The following TTC28 variants were observed in gnomAD, a reference collection of about 807,000 sequenced individuals.
The protein encoded by TTC28 is tetratricopeptide repeat domain 28, also known as tetratricopeptide repeat protein 28.
In TTC28, 61 loss-of-function variants were observed where a neutral mutation model predicts 198.0. The observed-to-expected ratio is 0.31, with a 90% CI of 0.25 to 0.38. The LOEUF is 0.38. Ranked by LOEUF, TTC28 falls within the 10% of genes least tolerant of loss-of-function variation. The pLI, the probability that TTC28 is intolerant of heterozygous loss-of-function variation, is 1.00. For synonymous variants in TTC28, 1,171 were observed against 1,297.8 expected, an observed-to-expected ratio of 0.90 and a Z score of 2.10; for missense variants, 2,678 against 3,164.0, an observed-to-expected ratio of 0.85 and a Z score of 3.69.
At position 28,673,145 on chromosome 22, in the gene TTC28, C is replaced by T. The variant is rs952637509; in HGVS notation, c.102+6477G>A. Among the ~76,000 whole-genome samples the T allele has an allele frequency of 4.6e-5, 7 of 152,068 alleles. No homozygotes were observed. The East Asian group carries it at 5.8e-4, about 13-fold the overall frequency. ...ATCCCAGCACTTTGGGAGGCTGAGG[C>T]GGGCGGATCACGAGGTCAGGAGATC... On this transcript the variant is annotated intron_variant, in intron 1 of 22. Coordinates refer to ENST00000397906, the MANE Select transcript of TTC28 (RefSeq NM_001145418.2).
At chr22:28,460,118 A>G (rs1189640831) in intron 2 of TTC28, among the ~76,000 whole-genome samples, 1 of 152,234 alleles carries the variant, frequency 6.6e-6, no homozygotes, top group Non-Finnish European at 1.5e-5. Context: ...TTGTCTATCT[A>G]GTTTTATCTA....
chr22:28,481,263 C>T (rs1161844408), intron 2 of TTC28, among the ~76,000 whole-genome samples: 2 of 152,148 alleles, frequency 1.3e-5, no homozygotes, highest in African/African-American at 4.8e-5. Flanking sequence ...TTAATTTACA[C>T]AGAAAAGCAG....
At chr22:28,433,186 T>C (rs1385203586) in intron 2 of TTC28, among the ~76,000 whole-genome samples, 2 of 152,260 alleles carry the variant, frequency 1.3e-5, no homozygotes, top group Non-Finnish European at 2.9e-5. Flanking sequence ...AAATAAGTTA[T>C]AGAAAATGTA....
At position 28,289,766 on chromosome 22, in the gene TTC28, C is replaced by G. The variant is rs536152719; in HGVS notation, c.933+6432G>C. ...TTTGTGCAAGCACAGTGGCTCATGC[C>G]TGTAATCCCAACACTTTGGGAGGCC... On this transcript the variant is annotated intron_variant, in intron 5 of 22. Coordinates refer to ENST00000397906, the MANE Select transcript of TTC28 (RefSeq NM_001145418.2). Among the ~76,000 whole-genome samples, 4 of 152,304 alleles carry G rather than the reference C, an allele frequency of 2.6e-5. No homozygotes were observed. The South Asian group carries it at 8.3e-4, about 32-fold the overall frequency.
intron 2 of TTC28, among the ~76,000 whole-genome samples, chr22:28,538,556 C>CTT (rs753754141): frequency 0.034 from 3,681 of 109,482 alleles, 96 homozygotes; most frequent in East Asian, 0.042. Context: ...GCACCTTTCT[C>CTT]TTTTTTTTTT....
intron 1 of TTC28, among the ~76,000 whole-genome samples, chr22:28,676,038 C>T (rs1601686939): frequency 6.6e-6 from 1 of 152,206 alleles, no homozygotes; most frequent in East Asian, 1.9e-4. Context: ...TGAAAATATA[C>T]ATCCACACTA....
chr22:28,163,357 T>C lies in TTC28; in HGVS notation c.1176A>G (p.Glu392=). Residue 392 remains glutamate, a synonymous_variant, in exon 6 of 23, where the codon GAA becomes GAG. Coordinates refer to ENST00000397906, the MANE Select transcript of TTC28 (RefSeq NM_001145418.2). ...CCAGGTTGCTATAAGCCCGGGCCTCTTCTCGCTTGTTCCCCAGGTCCTTGG... is the reference window on the plus strand; with the variant it reads ...CCAGGTTGCTATAAGCCCGGGCCTCCTCTCGCTTGTTCCCCAGGTCCTTGG... ...KIAKDLGNKR[E]EARAYSNLGS... The C allele has an allele frequency of 1.9e-6, 3 of 1,552,114 alleles. No homozygotes were observed. The highest frequency in any genetic ancestry group is 1.7e-6 in the Non-Finnish European group (2 of 1,147,070).
chr22:28,635,117 C>T (rs748246188), intron 1 of TTC28, among the ~76,000 whole-genome samples: 2 of 151,944 alleles, frequency 1.3e-5, no homozygotes, highest in Non-Finnish European at 2.9e-5. Context: ...GTCAGGAGAT[C>T]GAGACCATCC....
chr22:27,983,771 T>G lies in TTC28; in HGVS notation c.5896A>C (p.Asn1966His), dbSNP rs1937106195. ...TGCTGGTAACCCAAGGGCAGGGCGT[T>G]GGAAACAGACTGAGCAGAAGCAAGA... ...ESLASAQSVS[N>H]ALPLGYQQPP... Residue 1966 changes from asparagine to histidine, a missense_variant, in exon 23 of 23, where the codon AAC becomes CAC. Coordinates refer to ENST00000397906, the MANE Select transcript of TTC28 (RefSeq NM_001145418.2). The G allele has an allele frequency of 6.4e-7, 1 of 1,551,432 alleles. No homozygotes were observed. Among genetic ancestry groups the G allele is most frequent in the African/African-American group, 1.4e-5 (1 of 72,960 alleles).
intron 5 of TTC28, among the ~76,000 whole-genome samples, chr22:28,207,580 T>C (rs938211268): frequency 6.6e-6 from 1 of 152,176 alleles, no homozygotes; most frequent in African/African-American, 2.4e-5. Flanking sequence ...AAACCCATAA[T>C]GGAGTACCCA....
chr22:28,384,081 T>G (rs1429300528), intron 2 of TTC28, among the ~76,000 whole-genome samples: 1 of 152,196 alleles, frequency 6.6e-6, no homozygotes, highest in African/African-American at 2.4e-5. Context: ...ATGGTCCCTC[T>G]GCCTAGATTA....
chr22:28,673,911 T>C (rs1363968999), intron 1 of TTC28, among the ~76,000 whole-genome samples: 1 of 152,168 alleles, frequency 6.6e-6, no homozygotes, highest in Non-Finnish European at 1.5e-5. Context: ...TAACAGTTTT[T>C]AAAATAGCAA....
intron 2 of TTC28, among the ~76,000 whole-genome samples, chr22:28,592,200 G>T (rs2050447184): frequency 2.6e-5 from 4 of 152,214 alleles, no homozygotes; most frequent in African/African-American, 9.6e-5. Flanking sequence ...TAATGAGTGG[G>T]ATTTGCTAGG....
At chr22:28,230,906 G>A (rs767201216) in intron 5 of TTC28, among the ~76,000 whole-genome samples, 18 of 152,178 alleles carry the variant, frequency 1.2e-4, no homozygotes, top group Non-Finnish European at 2.4e-4. Context: ...TTGGCAAAAT[G>A]TTTAAGAGAG....
Position 28,567,475 on chromosome 22 carries a change from CATACATATATATATATAT to C in TTC28, c.381+62059_381+62076del, listed in dbSNP as rs1257904534. Among the ~76,000 whole-genome samples the C allele has an allele frequency of 2.9e-4, 4 of 13,776 alleles. 1 individual carries two copies. Among genetic ancestry groups the C allele is most frequent in the Non-Finnish European group, 4.7e-4 (4 of 8,480 alleles). 9.0% of individuals were successfully genotyped at this position (13,776 alleles called of 152,430 possible). On this transcript the variant is annotated intron_variant, in intron 2 of 22. Transcript: ENST00000397906. Reference sequence around the variant, plus strand: ...CACACACACCACACGCATATACATACATACATATATATATATATATATATATATATATATGTTTTTACC... The same window carrying C: ...CACACACACCACACGCATATACATACATATATATATATATATGTTTTTACC...
chr22:28,491,866 T>C (rs1176138471), intron 2 of TTC28, among the ~76,000 whole-genome samples: 1 of 152,110 alleles, frequency 6.6e-6, no homozygotes, highest in Non-Finnish European at 1.5e-5. Flanking sequence ...AACCCAAATG[T>C]CCATCAATGA....
At chr22:28,581,818 G>A (rs2050237697) in intron 2 of TTC28, among the ~76,000 whole-genome samples, 2 of 152,014 alleles carry the variant, frequency 1.3e-5, no homozygotes, top group South Asian at 4.2e-4. Context: ...TATGTTACTT[G>A]GCATAATCTT....
chr22:28,639,460 T>C (rs1237887435), intron 1 of TTC28, among the ~76,000 whole-genome samples: 1 of 152,158 alleles, frequency 6.6e-6, no homozygotes, highest in Non-Finnish European at 1.5e-5. Flanking sequence ...CAAAGGCATA[T>C]GTTAGTTGTG....
At chr22:28,636,632 G>T (rs1165363433) in intron 1 of TTC28, among the ~76,000 whole-genome samples, 34 of 152,112 alleles carry the variant, frequency 2.2e-4, no homozygotes, top group Admixed American at 2.2e-3. Context: ...TAGTGATGTT[G>T]AGCAGCTTTT....
Sources: gnomAD v4.1 joint callset for allele counts (sites outside exome capture counted in the v4.1 genomes callset) on GRCh38, gnomAD v4.1.1 for gene constraint, MANE v1.5 for transcripts, NCBI Gene and HGNC (gene_info 2026-07-23, HGNC 2026-07-21) for gene names.